CLGN: variants seen among roughly 807,000 people sequenced by gnomAD.
The protein encoded by CLGN is calmegin, also known as testis tissue sperm-binding protein Li 79P.
A neutral mutation model predicts 79.1 loss-of-function variants in CLGN; 62 were observed. That is an observed-to-expected ratio of 0.78 (90% CI 0.64 to 0.97). CLGN has a LOEUF of 0.97. Among genes scored for constraint, CLGN ranks in the 50% least tolerant of loss-of-function variants. The pLI, the probability that CLGN is intolerant of heterozygous loss-of-function variation, is 0.00. For synonymous variants in CLGN, 225 were observed against 224.7 expected, an observed-to-expected ratio of 1.00 and a Z score of -0.01; for missense variants, 647 against 715.5, an observed-to-expected ratio of 0.90 and a Z score of 1.09.
intron 8 of CLGN, among the ~76,000 whole-genome samples, chr4:140,398,162 G>T (rs1413221231): frequency 6.6e-6 from 1 of 151,858 alleles, no homozygotes; most frequent in East Asian, 1.9e-4. Flanking sequence ...AAATTTAATG[G>T]AGCATTTCTT....
intron 1 of CLGN, among the ~76,000 whole-genome samples, chr4:140,422,969 G>T (rs1459465082): frequency 6.6e-6 from 1 of 152,058 alleles, no homozygotes; most frequent in South Asian, 2.1e-4. Context: ...AATCTTTAGG[G>T]TTTTGTACAT....
At chr4:140,418,082 A>C (rs986659191) in intron 1 of CLGN, among the ~76,000 whole-genome samples, 1 of 151,152 alleles carries the variant, frequency 6.6e-6, no homozygotes, top group African/African-American at 2.4e-5. Flanking sequence ...GACAAACCTG[A>C]GAAAAACAAG....
chr4:140,403,360 T>C (rs1376393591), intron 5 of CLGN, among the ~76,000 whole-genome samples: 1 of 152,214 alleles, frequency 6.6e-6, no homozygotes, highest in Non-Finnish European at 1.5e-5. Flanking sequence ...GAGGGGCAAA[T>C]ACATGCTCAA....
At chr4:140,396,874 C>CAT (rs759900454) in intron 8 of CLGN, among the ~76,000 whole-genome samples, 66,402 of 109,344 alleles carry the variant, frequency 0.61, 19,545 homozygotes, top group Non-Finnish European at 0.69. Context: ...TATATATATA[C>CAT]ATATATATAT....
chr4:140,392,088 A>C, intron 13 of CLGN, 131 bp downstream of exon 13: 1 of 1,118,378 alleles, frequency 8.9e-7, no homozygotes, highest in Non-Finnish European at 1.3e-6. Context: ...TGCCACAGTC[A>C]CATATTCTTG....
intron 4 of CLGN, 28 bp downstream of exon 4, chr4:140,409,809 A>T (rs116730782): frequency 6.8e-7 from 1 of 1,461,508 alleles, no homozygotes; most frequent in Non-Finnish European, 9.5e-7. Context: ...CATACTGGTT[A>T]TATCTAATAC....
chr4:140,419,972 T>C (rs1279111453), intron 1 of CLGN, among the ~76,000 whole-genome samples: 1 of 152,142 alleles, frequency 6.6e-6, no homozygotes, highest in Non-Finnish European at 1.5e-5. Flanking sequence ...TGTTACATAG[T>C]AAAAGGCACT....
At chr4:140,391,180 T>C (rs1395045293) in intron 13 of CLGN, among the ~76,000 whole-genome samples, 1 of 151,810 alleles carries the variant, frequency 6.6e-6, no homozygotes, top group Non-Finnish European at 1.5e-5. Context: ...CCAAAAGATA[T>C]TAAGCACGTC....
intron 4 of CLGN, among the ~76,000 whole-genome samples, chr4:140,407,685 TGACAC>T (rs1470934331): frequency 7.3e-5 from 11 of 150,816 alleles, no homozygotes; most frequent in South Asian, 2.1e-4. Flanking sequence ...AAATCATAGA[TGACAC>T]AAACAAATGG....
At chr4:140,416,921 C>T (rs866924072) in intron 1 of CLGN, among the ~76,000 whole-genome samples, 2,241 of 152,052 alleles carry the variant, frequency 0.015, 43 homozygotes, top group African/African-American at 0.052. Context: ...AGACCAATAT[C>T]CTTGATGAAC....
Position 140,388,965 on chromosome 4 carries a change from A to C in CLGN, c.*259T>G, listed in dbSNP as rs1728724448. On this transcript the variant is annotated 3_prime_UTR_variant, in exon 15 of 15. Coordinates refer to ENST00000325617, the MANE Select transcript of CLGN (RefSeq NM_004362.3). The stretch of plus-strand genomic sequence containing the variant: ...ACCAAAACTATCTCCAAACAACTAA[A>C]ACTGTGTAACTTCTAATGGTATTAA... 2.5e-6 allele frequency: 1 copy of C among 393,604 alleles called. No individual in the cohort carries two copies. The highest frequency in any genetic ancestry group is 2.0e-5 in the African/African-American group (1 of 49,184). 24.4% of individuals were successfully genotyped at this position (393,604 alleles called of 1,614,324 possible).
intron 1 of CLGN, among the ~76,000 whole-genome samples, chr4:140,421,493 T>C (rs1729468720): frequency 6.6e-6 from 1 of 152,158 alleles, no homozygotes; most frequent in South Asian, 2.1e-4. Context: ...GTAGTCATTG[T>C]AATAGGTCCT....
chr4:140,393,920 A>T lies in CLGN; in HGVS notation c.1271T>A (p.Phe424Tyr). 1 of 1,613,796 alleles carries T rather than the reference A, an allele frequency of 6.2e-7. No homozygotes were observed. The highest frequency in any genetic ancestry group is 8.5e-7 in the Non-Finnish European group (1 of 1,179,796). The stretch of plus-strand genomic sequence containing the variant: ...TTCCGAACAGATAATAAAATTATCA[A>T]AGTAGATATCAGAGGTCATAGACCA... ...ELWSMTSDIY[F>Y]DNFIICSEKE... Residue 424 changes from phenylalanine to tyrosine, a missense_variant, in exon 11 of 15, where the codon TTT becomes TAT. Phe to Tyr is a conservative substitution (Grantham distance 22). Coordinates refer to ENST00000325617, the MANE Select transcript of CLGN (RefSeq NM_004362.3).
chr4:140,414,352 ATGACTT>A (rs1197095535), intron 1 of CLGN, among the ~76,000 whole-genome samples: 142 of 151,772 alleles, frequency 9.4e-4, no homozygotes, highest in African/African-American at 2.9e-3. Flanking sequence ...TGGATGGAGA[ATGACTT>A]TGACGAGCTG....
intron 1 of CLGN, among the ~76,000 whole-genome samples, chr4:140,420,865 C>T (rs1487495140): frequency 1.3e-5 from 2 of 152,100 alleles, no homozygotes; most frequent in Non-Finnish European, 2.9e-5. Context: ...TTTTAAATCA[C>T]GTGGTAAAAC....
chr4:140,393,040 A>C (rs59694893), intron 11 of CLGN, among the ~76,000 whole-genome samples: 2,756 of 152,174 alleles, frequency 0.018, 91 homozygotes, highest in African/African-American at 0.063. Flanking sequence ...GTTTATTTGA[A>C]GTGATCATTC....
chr4:140,391,454 G>T (rs1021621185), intron 13 of CLGN, among the ~76,000 whole-genome samples: 16 of 151,870 alleles, frequency 1.1e-4, no homozygotes, highest in Admixed American at 7.2e-4. Flanking sequence ...AACATTTGTT[G>T]TTTTAGATAC....
At chr4:140,419,427 C>A (rs1729418753) in intron 1 of CLGN, among the ~76,000 whole-genome samples, 1 of 151,950 alleles carries the variant, frequency 6.6e-6, no homozygotes, top group Non-Finnish European at 1.5e-5. Flanking sequence ...TTAAAAGTAT[C>A]ATGATTCCTA....
intron 2 of CLGN, 95 bp downstream of exon 2, chr4:140,412,840 G>T: frequency 9.0e-7 from 1 of 1,105,898 alleles, no homozygotes; most frequent in Non-Finnish European, 1.3e-6. Context: ...GCTCTAAAAT[G>T]AAGATTATTT....
Sources: allele counts gnomAD v4.1 joint callset (sites outside exome capture counted in the v4.1 genomes callset), GRCh38; gene constraint gnomAD v4.1.1; transcripts MANE v1.5; gene names NCBI Gene and HGNC (gene_info 2026-07-23, HGNC 2026-07-21).